Variants in MYO16 observed in about 807,000 individuals in gnomAD.
MYO16 encodes myosin XVI, also known as unconventional myosin-XVI.
In MYO16, 94 loss-of-function variants were observed where a neutral mutation model predicts 205.3. The ratio of observed to expected loss-of-function variants is 0.46; its 90% confidence interval spans 0.39 to 0.54. MYO16 has a LOEUF of 0.54. Among genes scored for constraint, MYO16 ranks in the 20% least tolerant of loss-of-function variants. MYO16 has a pLI of 0.00. For synonymous variants in MYO16, 988 were observed against 954.0 expected, an observed-to-expected ratio of 1.04 and a Z score of -0.66; for missense variants, 2,315 against 2,387.5, an observed-to-expected ratio of 0.97 and a Z score of 0.63.
At chr13:108,559,470 C>CTTTTTTTTTTTTT in the MYO16 span, among the ~76,000 whole-genome samples, 11 of 87,410 alleles carry the variant, frequency 1.3e-4, no homozygotes, top group South Asian at 4.6e-4. Flanking sequence ...TTTTTCTTTT[C>CTTTTTTTTTTTTT]TTTTTTTTTT....
chr13:109,054,949 C>A, intron 25 of MYO16, 97 bp from the exon 26 acceptor site: 2 of 630,700 alleles, frequency 3.2e-6, no homozygotes, highest in Non-Finnish European at 5.3e-6. Context: ...CTTTCTCCCT[C>A]CCTTCCCTTC....
chr13:109,151,534 T>G (rs1479678461), intron 32 of MYO16, among the ~76,000 whole-genome samples: 1 of 152,184 alleles, frequency 6.6e-6, no homozygotes, highest in African/African-American at 2.4e-5. Flanking sequence ...ACCTGAGAAT[T>G]TGTGCATTAC....
chr13:108,698,271 G>A (rs147635586), intron 2 of MYO16, among the ~76,000 whole-genome samples: 7 of 152,292 alleles, frequency 4.6e-5, no homozygotes, highest in Non-Finnish European at 8.8e-5. Context: ...ACCCCTTTCT[G>A]AACAGCTAAA....
intron 4 of MYO16, among the ~76,000 whole-genome samples, chr13:108,745,284 A>G (rs1046149571): frequency 2.6e-5 from 4 of 152,136 alleles, no homozygotes; most frequent in African/African-American, 9.7e-5. Flanking sequence ...ACTAGTATGG[A>G]GTGAGGAAAC....
At chr13:109,159,050 T>C (rs535059413) in intron 32 of MYO16, among the ~76,000 whole-genome samples, 3 of 152,330 alleles carry the variant, frequency 2.0e-5, no homozygotes, top group African/African-American at 7.2e-5. Context: ...TGTAAAGCAA[T>C]GTAAAGTACA....
intron 23 of MYO16, among the ~76,000 whole-genome samples, chr13:109,038,316 C>T (rs1001554569): frequency 3.3e-5 from 5 of 152,100 alleles, no homozygotes; most frequent in African/African-American, 7.2e-5. Context: ...CTGTTGCCCT[C>T]GCTAGCTTCA....
chr13:109,023,419 T>A (rs1476736153), intron 23 of MYO16, among the ~76,000 whole-genome samples: 2 of 89,308 alleles, frequency 2.2e-5, no homozygotes, highest in African/African-American at 5.0e-5. Context: ...TATACAGATA[T>A]AAATATATAT....
intron 1 of MYO16, among the ~76,000 whole-genome samples, chr13:108,638,204 C>T (rs547481263): frequency 1.7e-3 from 260 of 152,272 alleles, no homozygotes; most frequent in Non-Finnish European, 3.0e-3. Flanking sequence ...ACAGAGGGAA[C>T]AGCAAGTTCG....
At chr13:108,541,079 C>A in the MYO16 span, among the ~76,000 whole-genome samples, 3 of 152,042 alleles carry the variant, frequency 2.0e-5, no homozygotes, top group South Asian at 6.2e-4. Flanking sequence ...AGGAAGACCA[C>A]AACAGTTTCA....
chr13:108,937,443 A>G (rs76836833), intron 16 of MYO16, among the ~76,000 whole-genome samples: 3 of 152,146 alleles, frequency 2.0e-5, no homozygotes, highest in Non-Finnish European at 4.4e-5. Context: ...TTCTTGAATT[A>G]TTCCTTCAAA....
intron 4 of MYO16, among the ~76,000 whole-genome samples, chr13:108,759,292 G>A (rs1202692146): frequency 6.6e-6 from 1 of 152,182 alleles, no homozygotes; most frequent in East Asian, 1.9e-4. Flanking sequence ...TTGTGTTTAT[G>A]TAGATACGAG....
At chr13:108,906,356 C>T (rs58230075) in intron 15 of MYO16, among the ~76,000 whole-genome samples, 1 of 151,956 alleles carries the variant, frequency 6.6e-6, no homozygotes, top group Non-Finnish European at 1.5e-5. Context: ...TAAATATAGC[C>T]AGGCTATGTG....
intron 28 of MYO16, among the ~76,000 whole-genome samples, chr13:109,117,668 A>G (rs1449430771): frequency 6.6e-6 from 1 of 151,984 alleles, no homozygotes; most frequent in African/African-American, 2.4e-5. Context: ...AAACTCTAGT[A>G]ATGGAGATGA....
Position 109,048,312 on chromosome 13 carries a change from A to G in MYO16, c.2872+1321A>G, listed in dbSNP as rs781597473. On this transcript the variant is annotated intron_variant, in intron 24 of 34. Coordinates refer to ENST00000457511, the MANE Select transcript of MYO16 (RefSeq NM_001198950.3). ...CAAAAAAAAGTTCCAGGAAAAAACA[A>G]TTCAGTCTTTTTTTTTATTCTTTAG... 3 of 746,844 alleles carry G rather than the reference A, an allele frequency of 4.0e-6. No individual in the cohort carries two copies. The South Asian group carries it at 4.4e-5, about 11-fold the overall frequency. The allele number at this position is 746,844 out of a possible 1,614,324, so 46.3% of individuals were successfully genotyped here.
intron 34 of MYO16, among the ~76,000 whole-genome samples, chr13:109,199,392 G>A (rs1880317059): frequency 1.3e-5 from 2 of 151,536 alleles, no homozygotes; most frequent in Non-Finnish European, 2.9e-5. Context: ...AAGCGTGAAG[G>A]TTTGCAGATG....
At chr13:109,201,895 C>T (rs767668399) in intron 34 of MYO16, among the ~76,000 whole-genome samples, 118 of 152,188 alleles carry the variant, frequency 7.8e-4, no homozygotes, top group Non-Finnish European at 1.3e-3. Flanking sequence ...CAATAGTCTC[C>T]AATCCCATCC....
intron 34 of MYO16, among the ~76,000 whole-genome samples, chr13:109,192,614 C>A (rs1879970234): frequency 6.6e-6 from 1 of 152,104 alleles, no homozygotes. Flanking sequence ...GGAATGAGAA[C>A]CATTGTGAGG....
chr13:108,787,132 TAA>T (rs1886482202), intron 5 of MYO16, among the ~76,000 whole-genome samples: 1 of 152,176 alleles, frequency 6.6e-6, no homozygotes, highest in African/African-American at 2.4e-5. Context: ...GTTTGTATGT[TAA>T]GTGTTATCAC....
intron 20 of MYO16, among the ~76,000 whole-genome samples, chr13:108,966,650 C>T (rs11069757): frequency 0.23 from 34,371 of 152,078 alleles, 4,427 homozygotes; most frequent in African/African-American, 0.34. Flanking sequence ...TGAATCAACA[C>T]ATTAGAAGTT....
Sources: gnomAD v4.1 joint callset for allele counts (sites outside exome capture counted in the v4.1 genomes callset) on GRCh38, gnomAD v4.1.1 for gene constraint, MANE v1.5 for transcripts, NCBI Gene and HGNC (gene_info 2026-07-23, HGNC 2026-07-21) for gene names.